The following IQCF1 variants were observed in gnomAD, a reference collection of about 807,000 sequenced individuals.
IQCF1 encodes IQ domain-containing protein F1.
Under a neutral mutation model 12.5 loss-of-function variants are expected in IQCF1, and 9 were observed. The observed-to-expected ratio is 0.72, with a 90% CI of 0.43 to 1.26. IQCF1 has a LOEUF of 1.26. Among genes scored for constraint, IQCF1 ranks in the 50% most tolerant of loss-of-function variants. The probability of loss-of-function intolerance (pLI) is 0.00; values close to 1 mark genes in which losing one functional copy is unlikely to be tolerated. For missense variants in IQCF1, 252 were observed against 257.4 expected (o/e 0.98, Z 0.14); for synonymous variants, 67 against 96.2 (o/e 0.70, Z 1.78).
intron 3 of IQCF1, 42 bp downstream of exon 3, chr3:51,896,790 C>CA (rs1234412131): frequency 6.8e-7 from 1 of 1,473,670 alleles, no homozygotes; most frequent in Admixed American, 1.7e-5. Flanking sequence ...GCACAGCCCC[C>CA]ACATCCCCAG....
intron 2 of IQCF1, among the ~76,000 whole-genome samples, chr3:51,902,169 C>T (rs1470539756): frequency 6.6e-6 from 1 of 152,190 alleles, no homozygotes; most frequent in Admixed American, 6.5e-5. Context: ...TGTATTTATT[C>T]TTGTTGGGTG....
intron 2 of IQCF1, among the ~76,000 whole-genome samples, chr3:51,901,003 C>T (rs1699069168): frequency 6.6e-6 from 1 of 152,200 alleles, no homozygotes; most frequent in Non-Finnish European, 1.5e-5. Flanking sequence ...TGCTCCTCCT[C>T]CATCTAACAA....
At chr3:51,897,970 G>A (rs1006377442) in intron 2 of IQCF1, among the ~76,000 whole-genome samples, 2 of 152,152 alleles carry the variant, frequency 1.3e-5, no homozygotes, top group Non-Finnish European at 2.9e-5. Context: ...TGCTTTGAGG[G>A]GTCGAGCCTT....
At chr3:51,898,826 C>T (rs1033009046) in intron 2 of IQCF1, among the ~76,000 whole-genome samples, 4 of 152,078 alleles carry the variant, frequency 2.6e-5, no homozygotes, top group African/African-American at 4.8e-5. Flanking sequence ...TGGTTCCTCC[C>T]GGGTGATTGA....
At chr3:51,897,434 C>A (rs1037320853) in intron 2 of IQCF1, among the ~76,000 whole-genome samples, 1 of 152,222 alleles carries the variant, frequency 6.6e-6, no homozygotes, top group Non-Finnish European at 1.5e-5. Flanking sequence ...TTACTTATAA[C>A]AATTTGGGGG....
chr3:51,896,827 C>A lies in IQCF1; in HGVS notation c.171+5G>T. ...CCCAGCCCTGTGTGGTTTGGGAGGTCATACTTTTTCTGATTTCTCATTGGC... is the reference window on the plus strand; with the variant it reads ...CCCAGCCCTGTGTGGTTTGGGAGGTAATACTTTTTCTGATTTCTCATTGGC... On this transcript the variant is annotated splice_donor_5th_base_variant and intron_variant, in intron 3 of 3. Coordinates refer to ENST00000310914, the MANE Select transcript of IQCF1 (RefSeq NM_152397.3). 1 of 1,609,588 alleles carries A rather than the reference C, an allele frequency of 6.2e-7. No individual in the cohort carries two copies. The highest frequency in any genetic ancestry group is 1.1e-5 in the South Asian group (1 of 90,952).
intron 2 of IQCF1, among the ~76,000 whole-genome samples, chr3:51,898,404 G>C (rs904905049): frequency 5.3e-5 from 8 of 152,240 alleles, no homozygotes; most frequent in Non-Finnish European, 1.0e-4. Context: ...CTTGTTGTCA[G>C]TGTAAACAAG....
At chr3:51,898,638 T>TAG in intron 2 of IQCF1, among the ~76,000 whole-genome samples, 1 of 148,660 alleles carries the variant, frequency 6.7e-6, no homozygotes, top group South Asian at 2.1e-4. Flanking sequence ...AGCAAAAAGG[T>TAG]AGCTTACTGA....
chr3:51,899,624 T>G (rs1300670597), intron 2 of IQCF1, among the ~76,000 whole-genome samples: 6 of 152,206 alleles, frequency 3.9e-5, no homozygotes, highest in Non-Finnish European at 7.3e-5. Context: ...TGGCTAAAGT[T>G]AAAGGGGTAT....
At chr3:51,902,182 G>A (rs1463730177) in intron 2 of IQCF1, among the ~76,000 whole-genome samples, 2 of 152,188 alleles carry the variant, frequency 1.3e-5, no homozygotes, top group African/African-American at 4.8e-5. Flanking sequence ...GTTGGGTGCT[G>A]TGTCACACCA....
In IQCF1 at chr3:51,903,326, A is replaced by C. The variant is rs1699101424; in HGVS notation, c.-54T>G. ...TTCAAATCCCCTCACATCTGTGTTC[A>C]TCCAGCCATAGCATAGGCAGGAAGG... On this transcript the variant is annotated 5_prime_UTR_variant, in exon 1 of 4. The change abolishes an upstream ATG in the 5' untranslated region. Transcript: ENST00000310914. 6.2e-7 allele frequency: 1 copy of C among 1,603,346 alleles called. No homozygotes were observed. Among genetic ancestry groups the C allele is most frequent in the Non-Finnish European group, 8.5e-7 (1 of 1,170,206 alleles).
rs368495255 is a variant in IQCF1 at position 51,894,915 on chromosome 3, C to T, written c.593G>A (p.Cys198Tyr). 6 of 1,614,096 alleles carry T rather than the reference C, an allele frequency of 3.7e-6. No individual in the cohort carries two copies. Among genetic ancestry groups the T allele is most frequent in the East Asian group, 2.2e-5 (1 of 44,882 alleles). The change falls in exon 4 of 4, where the codon TGT becomes TAT. Residue 198 changes from cysteine to tyrosine, a missense_variant. Cys to Tyr is a radical substitution (Grantham distance 194). Transcript: ENST00000310914. ...LDSGPCIVTE[C>Y]IPFSIKE Reference sequence around the variant, plus strand: ...TCATTCCTTTATTGAGAAGGGAATACACTCTGTCACAATGCAAGGCCCTGA... The same window carrying T: ...TCATTCCTTTATTGAGAAGGGAATATACTCTGTCACAATGCAAGGCCCTGA...
chr3:51,896,961 C>A, intron 2 of IQCF1, 67 bp from the exon 3 acceptor site: 1 of 1,222,488 alleles, frequency 8.2e-7, no homozygotes. Context: ...TAGCCCAGCA[C>A]TGTTAGATAT....
At chr3:51,897,773 T>G (rs909970678) in intron 2 of IQCF1, among the ~76,000 whole-genome samples, 4 of 152,218 alleles carry the variant, frequency 2.6e-5, no homozygotes, top group African/African-American at 9.7e-5. Flanking sequence ...TGCAGTGTTG[T>G]TCGTGTGGAC....
Position 51,895,228 on chromosome 3 carries a change from T to C in IQCF1, c.280A>G (p.Ser94Gly). ...VRRALLHAAL[S>G]ACIIQCWWRL... Reference sequence around the variant, plus strand: ...CACCAGCACTGAATGATGCAGGCACTGAGGGCTGCGTGCAACAGTGCCCGA... The same window carrying C: ...CACCAGCACTGAATGATGCAGGCACCGAGGGCTGCGTGCAACAGTGCCCGA... Residue 94 changes from serine to glycine, a missense_variant, in exon 4 of 4, where the codon AGT (serine) becomes GGT (glycine). Physicochemically the swap from Ser to Gly is moderately conservative, Grantham distance 56. Coordinates refer to ENST00000310914, the MANE Select transcript of IQCF1 (RefSeq NM_152397.3). The surrounding 1 kb of genome is among the most constrained non-coding windows in gnomAD (Gnocchi z 4.8). 15 of 1,614,196 alleles carry C rather than the reference T, an allele frequency of 9.3e-6. No individual in the cohort carries two copies. Among genetic ancestry groups the C allele is most frequent in the Non-Finnish European group, 1.3e-5 (15 of 1,180,024 alleles).
chr3:51,896,887 G>A lies in IQCF1; in HGVS notation c.116C>T (p.Thr39Ile), dbSNP rs765848156. ...LGAESKAEAK[T>I]PVLVETQTVD... ...TGTCTGTGTCTCAACCAGAACTGGA[G>A]TTTTAGCCTGAAAAGGAAATGGGGA... Residue 39 changes from threonine (T) to isoleucine (I), a missense_variant, in exon 3 of 4, where the codon ACT (threonine) becomes ATT (isoleucine). Physicochemically the swap from Thr to Ile is moderately conservative, Grantham distance 89. Transcript: ENST00000310914. The A allele has an allele frequency of 1.9e-6, 3 of 1,612,792 alleles. No individual in the cohort carries two copies. The South Asian group carries it at 3.3e-5, about 18-fold the overall frequency.
rs531027754 is a variant in IQCF1, at chr3:51,895,129, C to G, written c.379G>C (p.Ala127Pro). The G allele has an allele frequency of 1.2e-6, 2 of 1,614,226 alleles. No individual in the cohort carries two copies. The highest frequency in any genetic ancestry group is 2.2e-5 in the South Asian group (2 of 91,086). The change falls in exon 4 of 4, where the codon GCA (alanine) becomes CCA (proline). Residue 127 changes from alanine (A) to proline (P), a missense_variant. Coordinates refer to ENST00000310914, the MANE Select transcript of IQCF1 (RefSeq NM_152397.3). The surrounding 1 kb of genome is among the most constrained non-coding windows in gnomAD (Gnocchi z 4.8). ...GCCTGGGACTGCAGTGTGACTGCTG[C>G]CCACTCCTTCCGGGAGAAGGCCTCT... ...ALEAFSRKEW[A>P]AVTLQSQARM...
intron 2 of IQCF1, among the ~76,000 whole-genome samples, chr3:51,901,123 C>T (rs574454300): frequency 5.3e-5 from 8 of 152,294 alleles, no homozygotes; most frequent in African/African-American, 7.2e-5. Context: ...ATATTCCGTC[C>T]GCACATTAAA....
In IQCF1 at chr3:51,896,875, A is replaced by G. The variant is rs1699010941; in HGVS notation, c.128T>C (p.Val43Ala). 2 of 1,613,270 alleles carry G rather than the reference A, an allele frequency of 1.2e-6. No individual in the cohort carries two copies. Among genetic ancestry groups the G allele is most frequent in the Non-Finnish European group, 1.7e-6 (2 of 1,179,376 alleles). Residue 43 changes from valine to alanine, a missense_variant, in exon 3 of 4, where the codon GTT becomes GCT. Transcript: ENST00000310914. ...SKAEAKTPVLVETQTVDNANE... is the reference protein window; with the variant it reads ...SKAEAKTPVLAETQTVDNANE... ...GGCATTGTCCACTGTCTGTGTCTCA[A>G]CCAGAACTGGAGTTTTAGCCTGAAA...
Sources: gnomAD v4.1 joint callset for allele counts (sites outside exome capture counted in the v4.1 genomes callset) on GRCh38, gnomAD v4.1.1 for gene constraint, Gnocchi (gnomAD v3.1) non-coding constraint, MANE v1.5 for transcripts, NCBI Gene and HGNC (gene_info 2026-07-23, HGNC 2026-07-21) for gene names.